Variants in SLC18A2 observed in about 807,000 individuals in gnomAD.
The protein encoded by SLC18A2 is solute carrier family 18 member A2, also known as synaptic vesicular amine transporter.
In SLC18A2, 33 loss-of-function variants were observed where a neutral mutation model predicts 59.2. The observed-to-expected ratio is 0.56, with a 90% CI of 0.42 to 0.75. The LOEUF is 0.75. Among genes scored for constraint, SLC18A2 ranks in the 30% least tolerant of loss-of-function variants. The pLI is 0.00. For synonymous variants in SLC18A2, 228 were observed against 253.5 expected (o/e 0.90, Z 0.95); for missense variants, 569 against 668.6 (o/e 0.85, Z 1.64).
intron 10 of SLC18A2, among the ~76,000 whole-genome samples, chr10:117,258,313 G>A (rs1038392644): frequency 5.3e-5 from 8 of 152,282 alleles, no homozygotes; most frequent in South Asian, 4.1e-4. Context: ...GATTGAGGAC[G>A]TAAAACATTT....
intron 3 of SLC18A2, among the ~76,000 whole-genome samples, chr10:117,245,487 G>A (rs538838464): frequency 3.4e-4 from 51 of 152,232 alleles, no homozygotes; most frequent in African/African-American, 1.1e-3. Context: ...AGTGAATCAA[G>A]CACTATTTTA....
At chr10:117,267,827 T>A in intron 13 of SLC18A2, 91 bp downstream of exon 13, 3 of 1,001,332 alleles carry the variant, frequency 3.0e-6, no homozygotes. Flanking sequence ...TTCCTCAACC[T>A]AAATTTCCAG....
chr10:117,267,097 C>T, intron 12 of SLC18A2, 62 bp downstream of exon 12: 1 of 1,171,062 alleles, frequency 8.5e-7, no homozygotes, highest in Non-Finnish European at 1.3e-6. Flanking sequence ...GCGCTTTGGG[C>T]AAGAATCACC....
chr10:117,244,919 A>C (rs1438407130), intron 3 of SLC18A2, among the ~76,000 whole-genome samples: 1 of 152,236 alleles, frequency 6.6e-6, no homozygotes, highest in African/African-American at 2.4e-5. Flanking sequence ...AAGAGAACTG[A>C]GGCTGTTGTC....
chr10:117,259,381 G>A (rs1419150220), intron 10 of SLC18A2, among the ~76,000 whole-genome samples: 1 of 152,178 alleles, frequency 6.6e-6, no homozygotes, highest in Admixed American at 6.5e-5. Context: ...GTGGATGTCT[G>A]TCCTAGGTCT....
At chr10:117,252,134 ATTTTTTTTTT>A (rs57101171) in intron 3 of SLC18A2, among the ~76,000 whole-genome samples, 2,016 of 44,414 alleles carry the variant, frequency 0.045, 75 homozygotes, top group African/African-American at 0.13. Flanking sequence ...CATTTTTTGT[ATTTTTTTTTT>A]TTTTTTTTTT....
rs137920074 is a variant in SLC18A2, at chr10:117,244,052, C to T, written c.203C>T (p.Thr68Ile). 1,264 of 1,614,170 alleles carry T rather than the reference C, an allele frequency of 7.8e-4. 6 individuals are homozygous for T. The African/African-American group carries it at 0.015, about 19-fold the overall frequency. Reference sequence around the variant, plus strand: ...ATCCAGACGGCCAGGCCAGTGCACACTGCCTCCATCTCAGACAGCTTCCAG... The same window carrying T: ...ATCCAGACGGCCAGGCCAGTGCACATTGCCTCCATCTCAGACAGCTTCCAG... ...TEIQTARPVHTASISDSFQSI... is the reference protein window; with the variant it reads ...TEIQTARPVHIASISDSFQSI... The change falls in exon 3 of 16, where the codon ACT becomes ATT. Residue 68 changes from threonine (T) to isoleucine (I), a missense_variant. This residue lies in a region of SLC18A2 where 377 missense variants were observed against 389.8 expected (regional missense o/e 0.97). Transcript: ENST00000644641.
intron 9 of SLC18A2, 107 bp from the exon 10 acceptor site, chr10:117,257,690 G>A (rs2133735920): frequency 1.8e-6 from 1 of 561,772 alleles, no homozygotes; most frequent in East Asian, 3.0e-5. Flanking sequence ...TTTACTTAAT[G>A]AAAGTAGAAG....
intron 2 of SLC18A2, 44 bp from the exon 3 acceptor site, chr10:117,243,916 TCCTGGAGAGGG>T: frequency 6.9e-7 from 1 of 1,448,580 alleles, no homozygotes; most frequent in Admixed American, 2.1e-5. Context: ...CTGGCTTTTT[TCCTGGAGAGGG>T]TTTCAGTGTG....
chr10:117,255,278 G>T lies in SLC18A2; in HGVS notation c.702G>T (p.Val234=), dbSNP rs1844215159. The change falls in exon 7 of 16, where the codon GTG becomes GTT. Residue 234 remains valine, a splice_region_variant and synonymous_variant. Transcript: ENST00000644641. ...TGTCCCCACTTTCTCTCCCTGCAGT[G>T]GGCCCCCCCTTCGGGAGTGTGCTCT... ...ALGGLAMGVL[V]GPPFGSVLYE... 6.2e-7 allele frequency: 1 copy of T among 1,614,014 alleles called. No individual in the cohort carries two copies. Among genetic ancestry groups the T allele is most frequent in the Non-Finnish European group, 8.5e-7 (1 of 1,180,000 alleles).
At chr10:117,249,101 G>A (rs544685333) in intron 3 of SLC18A2, among the ~76,000 whole-genome samples, 13 of 152,334 alleles carry the variant, frequency 8.5e-5, no homozygotes, top group African/African-American at 3.1e-4. Flanking sequence ...TGGGTCTGAA[G>A]TGGGCTGTGT....
Position 117,241,945 on chromosome 10 carries a change from A to G in SLC18A2, c.121+131A>G, listed in dbSNP as rs913027464. On this transcript the variant is annotated intron_variant, in intron 2 of 15. Transcript: ENST00000644641. ...AAAGTTGGAGAACTCGCTTTGCAAA[A>G]AAGACATCCCCTCCAGGCTGCCGCG... 15 of 932,668 alleles carry G rather than the reference A, an allele frequency of 1.6e-5. No individual in the cohort carries two copies. In the Admixed American group the frequency reaches 2.6e-4, roughly 16 times the overall value. 57.8% of individuals were successfully genotyped at this position (932,668 alleles called of 1,614,324 possible).
chr10:117,270,049 T>C (rs1844407433), intron 13 of SLC18A2, 22 bp from the exon 14 acceptor site: 1 of 1,613,612 alleles, frequency 6.2e-7, no homozygotes, highest in Non-Finnish European at 8.5e-7. Context: ...TTCTATACAC[T>C]GTGTTCCCTG....
At chr10:117,267,110 GA>G in intron 12 of SLC18A2, 75 bp downstream of exon 12, 1 of 1,115,388 alleles carries the variant, frequency 9.0e-7, no homozygotes, top group Non-Finnish European at 1.3e-6. Flanking sequence ...GAATCACCAA[GA>G]AACATTTTAC....
chr10:117,257,950 G>T (rs898036441), intron 10 of SLC18A2, 58 bp downstream of exon 10: 9 of 1,247,354 alleles, frequency 7.2e-6, no homozygotes, highest in Admixed American at 4.1e-5. Context: ...GGCAGCCTTT[G>T]TCCCCAGGGC....
intron 10 of SLC18A2, among the ~76,000 whole-genome samples, chr10:117,260,398 G>A (rs1369785110): frequency 1.3e-5 from 2 of 152,206 alleles, no homozygotes; most frequent in Admixed American, 6.5e-5. Context: ...CCATTTGCAG[G>A]TGGAAGATTC....
chr10:117,270,198 C>T lies in SLC18A2; in HGVS notation c.1306+8C>T. The stretch of plus-strand genomic sequence containing the variant: ...GTATGGGGTATGCTATAGGTAAGGA[C>T]ATTGGCTTTTCATAAGAACCTTTTA... On this transcript the variant is annotated splice_region_variant and intron_variant, in intron 14 of 15. Coordinates refer to ENST00000644641, the MANE Select transcript of SLC18A2 (RefSeq NM_003054.6). The T allele has an allele frequency of 6.2e-7, 1 of 1,614,150 alleles. No individual in the cohort carries two copies. The highest frequency in any genetic ancestry group is 1.3e-5 in the African/African-American group (1 of 75,056).
At position 117,273,474 on chromosome 10, in the gene SLC18A2, G is replaced by A. The variant is rs138563527; in HGVS notation, c.1440+3011G>A. On this transcript the variant is annotated intron_variant, in intron 15 of 15. Transcript: ENST00000644641. ...TTGTTGCCAAGACAAGAAATTAGGT[G>A]GTTTGAGGATTGCAGCTTTCTTTTC... is the stretch of plus-strand genomic sequence containing the variant. Among the ~76,000 whole-genome samples the A allele has an allele frequency of 2.9e-3, 444 of 152,292 alleles. 3 individuals carry two copies. Among genetic ancestry groups the A allele is most frequent in the African/African-American group, 0.01 (418 of 41,552 alleles).
rs1197357963 is a variant in SLC18A2, at chr10:117,278,302, G to A, written c.*1036G>A. 1.3e-5 allele frequency: 2 copies of A among 152,094 alleles called. No individual in the cohort carries two copies. Among genetic ancestry groups the A allele is most frequent in the African/African-American group, 4.8e-5 (2 of 41,406 alleles). The allele number at this position is 152,094 out of a possible 1,614,324, so 9.4% of individuals were successfully genotyped here. On this transcript the variant is annotated 3_prime_UTR_variant, in exon 16 of 16. Coordinates refer to ENST00000644641, the MANE Select transcript of SLC18A2 (RefSeq NM_003054.6). ...TGAAAGTTGTTCACATCAATGTGAA[G>A]ACAAATTTTAAATGAAAATGAAGAA...
Sources: allele counts gnomAD v4.1 joint callset (sites outside exome capture counted in the v4.1 genomes callset), GRCh38; gene constraint gnomAD v4.1.1; regional missense constraint gnomAD v4.1.1; transcripts MANE v1.5; gene names NCBI Gene and HGNC (gene_info 2026-07-23, HGNC 2026-07-21).